The following GRIK3 variants were observed in gnomAD, a reference collection of about 807,000 sequenced individuals.
The protein encoded by GRIK3 is glutamate receptor ionotropic, kainate 3.
A neutral mutation model predicts 102.5 loss-of-function variants in GRIK3; 29 were observed. The observed-to-expected ratio is 0.28, with a 90% confidence interval of 0.21 to 0.39. GRIK3 has a LOEUF of 0.39. Among genes scored for constraint, GRIK3 ranks in the 10% least tolerant of loss-of-function variants. The probability of loss-of-function intolerance (pLI) is 1.00; values close to 1 mark genes in which losing one functional copy is unlikely to be tolerated. For synonymous variants in GRIK3, 511 were observed against 504.9 expected (o/e 1.01, Z -0.16); for missense variants, 908 against 1,252.4 (o/e 0.73, Z 4.15).
chr1:37,020,525 C>T (rs1023891533), intron 1 of GRIK3, among the ~76,000 whole-genome samples: 1 of 152,108 alleles, frequency 6.6e-6, no homozygotes, highest in African/African-American at 2.4e-5. Flanking sequence ...TGCTTGGTAT[C>T]AGGTGTGACA....
chr1:36,856,165 C>A (rs1640648921), intron 7 of GRIK3, among the ~76,000 whole-genome samples: 1 of 152,256 alleles, frequency 6.6e-6, no homozygotes, highest in Admixed American at 6.5e-5. Context: ...TCCCCAGTCC[C>A]TCCGCCTTCT....
Position 36,850,116 on chromosome 1 carries a change from G to C in GRIK3, c.1326+195C>G. The C allele has an allele frequency of 1.8e-6, 1 of 570,822 alleles. No individual in the cohort carries two copies. The highest frequency in any genetic ancestry group is 3.1e-6 in the Non-Finnish European group (1 of 319,808). 35.4% of individuals were successfully genotyped at this position (570,822 alleles called of 1,614,324 possible). On this transcript the variant is annotated intron_variant, in intron 9 of 15. Coordinates refer to ENST00000373091, the MANE Select transcript of GRIK3 (RefSeq NM_000831.4). This position sits in a 1 kb window ranked among gnomAD's most constrained non-coding sequence, Gnocchi z 4.0. ...TGGGAGTGAGACACAAAAACGCAGC[G>C]GCTTCCGCCCGTGGCAGCGAGCAGC...
chr1:37,025,282 A>T (rs1642755153), intron 1 of GRIK3, among the ~76,000 whole-genome samples: 1 of 152,198 alleles, frequency 6.6e-6, no homozygotes, highest in African/African-American at 2.4e-5. Flanking sequence ...CTAGAACAGC[A>T]GTTCTTAAAG....
At chr1:36,982,909 G>A (rs1464892882) in intron 1 of GRIK3, among the ~76,000 whole-genome samples, 1 of 152,164 alleles carries the variant, frequency 6.6e-6, no homozygotes, top group Non-Finnish European at 1.5e-5. Context: ...GCTCTCAGAG[G>A]GCCGCTGACA....
At chr1:36,893,295 A>G (rs2124275095) in intron 1 of GRIK3, among the ~76,000 whole-genome samples, 1 of 152,336 alleles carries the variant, frequency 6.6e-6, no homozygotes, top group Middle Eastern at 3.4e-3. Flanking sequence ...GAGCATAAAG[A>G]TGGAAGCTCT....
At chr1:37,003,261 T>C (rs1642497352) in intron 1 of GRIK3, among the ~76,000 whole-genome samples, 1 of 152,210 alleles carries the variant, frequency 6.6e-6, no homozygotes, top group Non-Finnish European at 1.5e-5. Flanking sequence ...TGAGCTATCA[T>C]ATTAAATGTA....
At chr1:36,994,105 T>C (rs544882552) in intron 1 of GRIK3, among the ~76,000 whole-genome samples, 3 of 152,344 alleles carry the variant, frequency 2.0e-5, no homozygotes, top group African/African-American at 7.2e-5. Flanking sequence ...TGGGCTGCTA[T>C]GATGACCTCT....
intron 1 of GRIK3, among the ~76,000 whole-genome samples, chr1:37,020,122 C>T (rs1308199233): frequency 6.6e-6 from 1 of 152,182 alleles, no homozygotes; most frequent in African/African-American, 2.4e-5. Context: ...ACTCTCCATA[C>T]CCCAGTGATG....
chr1:36,942,600 G>A (rs888887514), intron 1 of GRIK3, among the ~76,000 whole-genome samples: 3 of 151,630 alleles, frequency 2.0e-5, no homozygotes, highest in Non-Finnish European at 4.4e-5. Context: ...CGCAGGTGGA[G>A]GTCAAACTCC....
At chr1:36,927,029 C>T (rs547294718) in intron 1 of GRIK3, among the ~76,000 whole-genome samples, 6 of 152,306 alleles carry the variant, frequency 3.9e-5, no homozygotes, top group Admixed American at 6.5e-5. Flanking sequence ...GCCTGAATTG[C>T]TAAGCAAGGA....
intron 1 of GRIK3, among the ~76,000 whole-genome samples, chr1:37,003,238 T>C (rs1642497188): frequency 6.6e-6 from 1 of 152,202 alleles, no homozygotes; most frequent in Non-Finnish European, 1.5e-5. Flanking sequence ...TATTAAATTA[T>C]TTGAATGAAA....
chr1:36,859,903 T>C lies in GRIK3; in HGVS notation c.901A>G (p.Met301Val), dbSNP rs377307019. 6.2e-7 allele frequency: 1 copy of C among 1,613,926 alleles called. No homozygotes were observed. The highest frequency in any genetic ancestry group is 1.3e-5 in the African/African-American group (1 of 74,948). ...HVSAIVEKWS[M>V]ERLQAAPRSE... ...CGGGGAGCTGCCTGCAGCCGCTCCA[T>C]GGACCACTTCTCCACAATGGCCGAG... Residue 301 changes from methionine (M) to valine (V), a missense_variant, in exon 6 of 16, where the codon ATG (methionine) becomes GTG (valine). This residue lies in a region of GRIK3 where 585 missense variants were observed against 824.9 expected (regional missense o/e 0.71). Coordinates refer to ENST00000373091, the MANE Select transcript of GRIK3 (RefSeq NM_000831.4).
intron 1 of GRIK3, among the ~76,000 whole-genome samples, chr1:36,915,252 A>G (rs983882750): frequency 6.6e-5 from 10 of 152,102 alleles, no homozygotes; most frequent in African/African-American, 2.4e-4. Flanking sequence ...GCTGTCTTAA[A>G]TATCTATTTG....
intron 1 of GRIK3, among the ~76,000 whole-genome samples, chr1:37,014,244 A>T (rs1009899626): frequency 1.3e-5 from 2 of 152,268 alleles, no homozygotes; most frequent in African/African-American, 4.8e-5. Context: ...ATGAAAATGG[A>T]AATCTCACCT....
rs1044861529 is a variant in GRIK3, at chr1:36,800,710, C to G, written c.*1141G>C. 2 of 152,228 alleles carry G rather than the reference C, an allele frequency of 1.3e-5. No individual in the cohort carries two copies. The highest frequency in any genetic ancestry group is 2.4e-5 in the African/African-American group (1 of 41,450). The allele number at this position is 152,228 out of a possible 1,614,324, so 9.4% of individuals were successfully genotyped here. A position where few individuals can be genotyped will look rare whatever the true frequency, so the allele number is the denominator to read the frequency against. ...TGGTAAGTCCAGGAGACCAGAAGTT[C>G]TTTTGGTCTCTTCTGGTTTCCCTCA... On this transcript the variant is annotated 3_prime_UTR_variant, in exon 16 of 16. Coordinates refer to ENST00000373091, the MANE Select transcript of GRIK3 (RefSeq NM_000831.4).
intron 3 of GRIK3, among the ~76,000 whole-genome samples, chr1:36,877,324 C>T (rs893791798): frequency 1.3e-5 from 2 of 152,192 alleles, no homozygotes; most frequent in Non-Finnish European, 2.9e-5. Flanking sequence ...CCTTTCTTCT[C>T]TTCCATTCTG....
intron 1 of GRIK3, among the ~76,000 whole-genome samples, chr1:36,925,072 A>T (rs1641513506): frequency 6.6e-6 from 1 of 152,204 alleles, no homozygotes; most frequent in Non-Finnish European, 1.5e-5. Flanking sequence ...CATTATTCAG[A>T]GGATAACAAA....
At position 36,890,926 on chromosome 1, in the gene GRIK3, T is replaced by G. The variant is rs751848359; in HGVS notation, c.286A>C (p.Lys96Gln). The G allele has an allele frequency of 6.2e-7, 1 of 1,609,434 alleles. No individual in the cohort carries two copies. Among genetic ancestry groups the G allele is most frequent in the South Asian group, 1.1e-5 (1 of 90,208 alleles). The change falls in exon 2 of 16, where the codon AAA becomes CAA. Residue 96 changes from lysine (K) to glutamine (Q), a missense_variant. Physicochemically the swap from Lys to Gln is moderately conservative, Grantham distance 53 (BLOSUM62 1). Coordinates refer to ENST00000373091, the MANE Select transcript of GRIK3 (RefSeq NM_000831.4). ...IHFHDSFEAT[K>Q]KACDQLALGV... ...GCAGGAGCTGCACACTCACCCTTTT[T>G]GGTCGCCTCGAAGCTGTCATGGAAG...
intron 1 of GRIK3, among the ~76,000 whole-genome samples, chr1:36,917,949 G>A (rs1641420906): frequency 1.3e-5 from 2 of 152,180 alleles, no homozygotes; most frequent in African/African-American, 2.4e-5. Flanking sequence ...CTCCAAGGAG[G>A]TTTATAAGGG....
Sources: gnomAD v4.1 joint callset for allele counts (sites outside exome capture counted in the v4.1 genomes callset) on GRCh38, gnomAD v4.1.1 for gene constraint, gnomAD v4.1.1 regional missense constraint, Gnocchi (gnomAD v3.1) non-coding constraint, MANE v1.5 for transcripts, NCBI Gene and HGNC (gene_info 2026-07-23, HGNC 2026-07-21) for gene names.